STYXL2: variants seen among roughly 807,000 people sequenced by gnomAD.
The protein encoded by STYXL2 is serine/threonine/tyrosine interacting like 2.
A neutral mutation model predicts 52.4 loss-of-function variants in STYXL2; 44 were observed. The observed-to-expected ratio is 0.84, with a 90% CI of 0.66 to 1.08. The LOEUF (loss-of-function observed/expected upper bound fraction) is 1.08. Among genes scored for constraint, STYXL2 ranks in the 50% least tolerant of loss-of-function variants. The pLI is 0.00. For synonymous variants in STYXL2, 604 were observed against 586.9 expected (o/e 1.03, Z -0.42); for missense variants, 1,604 against 1,471.7 (o/e 1.09, Z -1.47).
chr1:167,100,238 C>T (rs1468989818), intron 2 of STYXL2, among the ~76,000 whole-genome samples: 1 of 152,224 alleles, frequency 6.6e-6, no homozygotes, highest in Non-Finnish European at 1.5e-5. Context: ...AGAACTCATT[C>T]CCATGAGAAA....
At chr1:167,111,505 T>C (rs966078252) in intron 2 of STYXL2, among the ~76,000 whole-genome samples, 3 of 49,528 alleles carry the variant, frequency 6.1e-5, no homozygotes, top group African/African-American at 4.7e-4. Context: ...TATATATATA[T>C]ATATATATAC....
chr1:167,124,366 A>G (rs1667919346), intron 5 of STYXL2, among the ~76,000 whole-genome samples: 1 of 152,176 alleles, frequency 6.6e-6, no homozygotes, highest in African/African-American at 2.4e-5. Context: ...AAGATATAAT[A>G]CTGAAAGAGT....
At chr1:167,109,870 G>A (rs1667580517) in intron 2 of STYXL2, among the ~76,000 whole-genome samples, 1 of 152,186 alleles carries the variant, frequency 6.6e-6, no homozygotes, top group South Asian at 2.1e-4. Context: ...CAGAGGTCCT[G>A]AGTCTGTCCA....
intron 3 of STYXL2, among the ~76,000 whole-genome samples, chr1:167,115,146 C>T (rs527781738): frequency 4.6e-5 from 7 of 152,306 alleles, no homozygotes; most frequent in African/African-American, 1.7e-4. Context: ...AAAAGATGTG[C>T]AATGCCTTGT....
chr1:167,099,931 T>C (rs114922693), intron 2 of STYXL2, among the ~76,000 whole-genome samples: 9 of 152,258 alleles, frequency 5.9e-5, no homozygotes, highest in African/African-American at 2.2e-4. Flanking sequence ...ATATTTATTT[T>C]AAAAACTGCC....
At chr1:167,098,003 CTTTTTTTTTT>C (rs35037292) in intron 2 of STYXL2, among the ~76,000 whole-genome samples, 1 of 96,600 alleles carries the variant, frequency 1.0e-5, no homozygotes. Context: ...TCTCTACAAA[CTTTTTTTTTT>C]TTTTTTTTTT....
chr1:167,099,931 T>A lies in STYXL2; in HGVS notation c.110+4972T>A, dbSNP rs114922693. On this transcript the variant is annotated intron_variant, in intron 2 of 5. Transcript: ENST00000361200. Reference sequence around the variant, plus strand: ...TAGAGTCTGGCATATATATTTATTTTAAAAACTGCCTGTCTTGGTCTCTTT... The same window carrying A: ...TAGAGTCTGGCATATATATTTATTTAAAAAACTGCCTGTCTTGGTCTCTTT... Among the ~76,000 whole-genome samples the A allele has an allele frequency of 8.2e-3, 1,253 of 152,374 alleles. 23 individuals are homozygous for A. The highest frequency in any genetic ancestry group is 0.029 in the African/African-American group (1,206 of 41,588).
Position 167,094,836 on chromosome 1 carries a change from G to A in STYXL2, c.-14G>A, listed in dbSNP as rs374068560. ...CCTTTTTCTTGCCAAACTTTCAGAGGTTGGCAGGTTGTCATGGCGACCAGA... is the reference window on the plus strand; with the variant it reads ...CCTTTTTCTTGCCAAACTTTCAGAGATTGGCAGGTTGTCATGGCGACCAGA... On this transcript the variant is annotated splice_region_variant and 5_prime_UTR_variant, in exon 2 of 6. Coordinates refer to ENST00000361200, the MANE Select transcript of STYXL2 (RefSeq NM_001080426.3). 1.6e-4 allele frequency: 263 copies of A among 1,605,558 alleles called. 2 individuals are homozygous for A. The Middle Eastern group carries it at 8.6e-3, about 52-fold the overall frequency.
rs546035712 is a variant in STYXL2 at position 167,106,758 on chromosome 1, T to G, written c.111-6952T>G. ...CCAGGTCTGTTATAGAGGCAAGGTT[T>G]GCTCTACCATATTGGCATTATTTTG... is the stretch of plus-strand genomic sequence containing the variant. On this transcript the variant is annotated intron_variant, in intron 2 of 5. Coordinates refer to ENST00000361200, the MANE Select transcript of STYXL2 (RefSeq NM_001080426.3). Among the ~76,000 whole-genome samples, 3 of 152,318 alleles carry G rather than the reference T, an allele frequency of 2.0e-5. No homozygotes were observed. In the East Asian group the frequency reaches 5.8e-4, roughly 29 times the overall value.
At chr1:167,113,648 A>G (rs1667661261) in intron 2 of STYXL2, 62 bp from the exon 3 acceptor site, 3 of 1,287,598 alleles carry the variant, frequency 2.3e-6, no homozygotes, top group Non-Finnish European at 3.4e-6. Flanking sequence ...TTTCTCATCT[A>G]AAAGAATGCC....
intron 2 of STYXL2, among the ~76,000 whole-genome samples, chr1:167,111,450 G>C (rs1667613599): frequency 7.7e-6 from 1 of 130,264 alleles, no homozygotes; most frequent in Non-Finnish European, 1.6e-5. Flanking sequence ...GTCAACAAGT[G>C]GATAAGGAAA....
At position 167,113,809 on chromosome 1, in the gene STYXL2, T is replaced by C. The variant is rs748950349; in HGVS notation, c.205+5T>C. 7.4e-6 allele frequency: 12 copies of C among 1,611,620 alleles called. No individual in the cohort carries two copies. Among genetic ancestry groups the C allele is most frequent in the Non-Finnish European group, 9.3e-6 (11 of 1,177,940 alleles). ...CCAAACAGATCATCAATGAAGGTAA[T>C]GCAATCAAAAGCTGGGTGGAAGCAA... is the stretch of plus-strand genomic sequence containing the variant. On this transcript the variant is annotated splice_donor_5th_base_variant and intron_variant, in intron 3 of 5. Transcript: ENST00000361200.
chr1:167,105,911 C>T (rs868799047), intron 2 of STYXL2, among the ~76,000 whole-genome samples: 47 of 152,176 alleles, frequency 3.1e-4, no homozygotes, highest in African/African-American at 1.1e-3. Context: ...TTCATCCCCC[C>T]TCTTTTCTCA....
intron 2 of STYXL2, among the ~76,000 whole-genome samples, chr1:167,095,184 G>T (rs999965581): frequency 1.3e-5 from 2 of 149,740 alleles, no homozygotes; most frequent in Admixed American, 1.3e-4. Context: ...CCAGGATCTA[G>T]TATGTGGTGG....
rs746211862 is a variant in STYXL2, at chr1:167,128,354, T to C, written c.3223T>C (p.Ser1075Pro). Reference sequence around the variant, plus strand: ...GGACTGGGAAGATGTGGAAGAGTCATCCAAGTCAGACTTCTCTGAATTTGG... The same window carrying C: ...GGACTGGGAAGATGTGGAAGAGTCACCCAAGTCAGACTTCTCTGAATTTGG... ...SRDWEDVEES[S>P]KSDFSEFGAK... is the part of the protein sequence containing the mutation. The change falls in exon 6 of 6, where the codon TCC becomes CCC. Residue 1075 changes from serine (S) to proline (P), a missense_variant. Transcript: ENST00000361200. 6.2e-7 allele frequency: 1 copy of C among 1,614,092 alleles called. No individual in the cohort carries two copies. The highest frequency in any genetic ancestry group is 8.5e-7 in the Non-Finnish European group (1 of 1,180,018).
intron 2 of STYXL2, 85 bp downstream of exon 2, chr1:167,095,044 C>T (rs1667254463): frequency 3.3e-6 from 3 of 914,650 alleles, no homozygotes; most frequent in Non-Finnish European, 5.1e-6. Flanking sequence ...AGGGAGCCTG[C>T]AGCCATCACC....
Position 167,128,866 on chromosome 1 carries a change from A to T in STYXL2, c.*258A>T. 1 of 475,690 alleles carries T rather than the reference A, an allele frequency of 2.1e-6. No homozygotes were observed. The highest frequency in any genetic ancestry group is 3.7e-6 in the Non-Finnish European group (1 of 270,924). The allele number at this position is 475,690 out of a possible 1,614,324, so 29.5% of individuals were successfully genotyped here. A position where few individuals can be genotyped will look rare whatever the true frequency, so the allele number is the denominator to read the frequency against. ...ATTTTCTGTTGCTCAGCGCCCTCTAAGCTTTGGTGTTTCACTTAATGTATT... is the reference window on the plus strand; with the variant it reads ...ATTTTCTGTTGCTCAGCGCCCTCTATGCTTTGGTGTTTCACTTAATGTATT... On this transcript the variant is annotated 3_prime_UTR_variant, in exon 6 of 6. Transcript: ENST00000361200.
chr1:167,125,898 G>T lies in STYXL2; in HGVS notation c.767G>T (p.Arg256Leu). ...MAILEALMTV[R>L]KKRAIYPNEG... Reference sequence around the variant, plus strand: ...ATCCTGGAGGCTTTGATGACCGTGCGTAAGAAGCGGGCCATCTACCCCAAT... The same window carrying T: ...ATCCTGGAGGCTTTGATGACCGTGCTTAAGAAGCGGGCCATCTACCCCAAT... Residue 256 changes from arginine to leucine, a missense_variant, in exon 6 of 6, where the codon CGT becomes CTT. Coordinates refer to ENST00000361200, the MANE Select transcript of STYXL2 (RefSeq NM_001080426.3). 2 of 1,614,120 alleles carry T rather than the reference G, an allele frequency of 1.2e-6. No individual in the cohort carries two copies. Among genetic ancestry groups the T allele is most frequent in the African/African-American group, 1.3e-5 (1 of 75,054 alleles).
At chr1:167,101,466 A>G (rs929756539) in intron 2 of STYXL2, among the ~76,000 whole-genome samples, 3 of 152,188 alleles carry the variant, frequency 2.0e-5, no homozygotes, top group Admixed American at 2.0e-4. Context: ...CTATATCTAC[A>G]TGATCCCATC....
Sources: gnomAD v4.1 joint callset for allele counts (sites outside exome capture counted in the v4.1 genomes callset) on GRCh38, gnomAD v4.1.1 for gene constraint, MANE v1.5 for transcripts, NCBI Gene and HGNC (gene_info 2026-07-23, HGNC 2026-07-21) for gene names.